Variants in EYA4 observed in about 807,000 individuals in gnomAD.
EYA4 encodes the protein EYA transcriptional coactivator and phosphatase 4.
Under a neutral mutation model 87.9 loss-of-function variants are expected in EYA4, and 31 were observed. The ratio of observed to expected loss-of-function variants is 0.35; its 90% CI spans 0.27 to 0.48. The LOEUF is 0.48. EYA4 is among the 20% of genes least tolerant of loss of function. The pLI is 0.99. For missense variants in EYA4, 678 were observed against 761.4 expected, an observed-to-expected ratio of 0.89 and a Z score of 1.29; for synonymous variants, 263 against 270.6, an observed-to-expected ratio of 0.97 and a Z score of 0.28.
At chr6:133,389,774 G>T (rs1787095535) in intron 3 of EYA4, among the ~76,000 whole-genome samples, 1 of 152,064 alleles carries the variant, frequency 6.6e-6, no homozygotes, top group Non-Finnish European at 1.5e-5. Flanking sequence ...TAATCCTGCT[G>T]GTCATCAAGT....
At chr6:133,462,790 T>C in intron 9 of EYA4, 26 bp downstream of exon 9, 1 of 1,608,758 alleles carries the variant, frequency 6.2e-7, no homozygotes, top group South Asian at 1.1e-5. Context: ...TGAAACATGT[T>C]TTGGGAGAAC....
At chr6:133,302,647 A>G (rs971473884) in intron 2 of EYA4, among the ~76,000 whole-genome samples, 2 of 152,208 alleles carry the variant, frequency 1.3e-5, no homozygotes, top group African/African-American at 4.8e-5. Context: ...TGCTTACACA[A>G]CAACTTACTA....
At chr6:133,429,626 G>A (rs1441336966) in intron 3 of EYA4, among the ~76,000 whole-genome samples, 2 of 152,164 alleles carry the variant, frequency 1.3e-5, no homozygotes, top group African/African-American at 4.8e-5. Flanking sequence ...GGGAAATAAT[G>A]AGAATCAGGG....
intron 14 of EYA4, among the ~76,000 whole-genome samples, chr6:133,507,599 C>T (rs1798759487): frequency 1.3e-5 from 2 of 152,106 alleles, no homozygotes; most frequent in South Asian, 4.2e-4. Flanking sequence ...TTATTCAACT[C>T]CCACTTATGA....
intron 2 of EYA4, among the ~76,000 whole-genome samples, chr6:133,367,588 C>T (rs1157326718): frequency 6.6e-6 from 1 of 152,136 alleles, no homozygotes; most frequent in Non-Finnish European, 1.5e-5. Context: ...AATAGCTTCA[C>T]TTTTATCAGA....
intron 2 of EYA4, among the ~76,000 whole-genome samples, chr6:133,364,491 C>T (rs1784705805): frequency 2.0e-5 from 3 of 152,186 alleles, no homozygotes; most frequent in Admixed American, 6.5e-5. Flanking sequence ...ATCGAGGTGA[C>T]TGGCATCACA....
chr6:133,456,398 C>T lies in EYA4; in HGVS notation c.278-158C>T, dbSNP rs772128165. Reference sequence around the variant, plus strand: ...GATTTTAGATTAAATCCTCTAAATGCATGCCCGTTTAGAAGCTAAATTAAC... The same window carrying T: ...GATTTTAGATTAAATCCTCTAAATGTATGCCCGTTTAGAAGCTAAATTAAC... On this transcript the variant is annotated intron_variant, in intron 5 of 19. Coordinates refer to ENST00000355286, the MANE Select transcript of EYA4 (RefSeq NM_004100.5). 9.3e-5 allele frequency: 62 copies of T among 666,006 alleles called. 1 individual carries two copies. The highest frequency in any genetic ancestry group is 1.6e-5 in the Non-Finnish European group (6 of 368,696). 41.3% of individuals were successfully genotyped at this position (666,006 alleles called of 1,614,324 possible). A position where few individuals can be genotyped will look rare whatever the true frequency, so the allele number is the denominator to read the frequency against.
At chr6:133,369,065 G>T (rs1785069945) in intron 2 of EYA4, among the ~76,000 whole-genome samples, 1 of 152,156 alleles carries the variant, frequency 6.6e-6, no homozygotes. Context: ...ACAAATTAGA[G>T]ACAGGAAATG....
chr6:133,393,823 T>TCTTAAAATTCTAGAAAAAGTTATATCA (rs1562368368), intron 3 of EYA4, among the ~76,000 whole-genome samples: 1 of 152,304 alleles, frequency 6.6e-6, no homozygotes, highest in African/African-American at 2.4e-5. Flanking sequence ...ACACATCTTC[T>TCTTAAAATTCTAGAAAAAGTTATATCA]AAGACTAGGG....
intron 17 of EYA4, among the ~76,000 whole-genome samples, chr6:133,516,413 A>G (rs1264929198): frequency 6.6e-6 from 1 of 152,104 alleles, no homozygotes; most frequent in East Asian, 1.9e-4. Context: ...CAGCATTTCC[A>G]TTAAGAAAAG....
At chr6:133,312,132 G>A (rs1042623456) in intron 2 of EYA4, among the ~76,000 whole-genome samples, 5 of 152,054 alleles carry the variant, frequency 3.3e-5, no homozygotes, top group Non-Finnish European at 7.4e-5. Context: ...TGCAGGGAGG[G>A]GGTTTTCTAG....
At chr6:133,504,396 C>A (rs1431387361) in intron 13 of EYA4, among the ~76,000 whole-genome samples, 1 of 152,166 alleles carries the variant, frequency 6.6e-6, no homozygotes, top group Non-Finnish European at 1.5e-5. Flanking sequence ...TGTGAAGAGT[C>A]AGCATCCATT....
chr6:133,400,551 C>T (rs1334274802), intron 3 of EYA4, among the ~76,000 whole-genome samples: 1 of 151,594 alleles, frequency 6.6e-6, no homozygotes, highest in Non-Finnish European at 1.5e-5. Context: ...ATATTGCAAG[C>T]CGCTTTGCAT....
rs114993593 is a variant in EYA4, at chr6:133,345,900, G to T, written c.34-36492G>T. On this transcript the variant is annotated intron_variant, in intron 2 of 19. Transcript: ENST00000355286. Reference sequence around the variant, plus strand: ...TAAGAGAAGGTAAGGACATCTTTTAGAGAAACTGAGTATTTCTAGTTCAGA... The same window carrying T: ...TAAGAGAAGGTAAGGACATCTTTTATAGAAACTGAGTATTTCTAGTTCAGA... 3.5e-3 allele frequency among the ~76,000 whole-genome samples: 533 copies of T among 152,306 alleles called. 2 individuals carry two copies. Among genetic ancestry groups the T allele is most frequent in the African/African-American group, 0.012 (500 of 41,576 alleles).
chr6:133,460,838 T>C (rs990390766), intron 6 of EYA4, among the ~76,000 whole-genome samples: 11 of 152,166 alleles, frequency 7.2e-5, no homozygotes, highest in African/African-American at 2.7e-4. Context: ...TATTTATTCA[T>C]AGCATATTAA....
intron 1 of EYA4, among the ~76,000 whole-genome samples, chr6:133,249,080 T>C (rs1774670023): frequency 6.6e-6 from 1 of 152,210 alleles, no homozygotes; most frequent in South Asian, 2.1e-4. Context: ...TTTTTCCTTA[T>C]CAGTGTTGCT....
chr6:133,250,759 C>T (rs1052527992), intron 1 of EYA4, among the ~76,000 whole-genome samples: 1 of 152,124 alleles, frequency 6.6e-6, no homozygotes, highest in Non-Finnish European at 1.5e-5. Flanking sequence ...ACAGATTTTG[C>T]TTCAGTTTCT....
intron 2 of EYA4, among the ~76,000 whole-genome samples, 158 bp from the exon 3 acceptor site, chr6:133,382,234 G>GA (rs1274872862): frequency 6.6e-6 from 1 of 152,146 alleles, no homozygotes; most frequent in Non-Finnish European, 1.5e-5. Flanking sequence ...GGATAATAAT[G>GA]AAATACACTA....
At chr6:133,444,529 A>G (rs1030050904) in intron 3 of EYA4, among the ~76,000 whole-genome samples, 1 of 152,156 alleles carries the variant, frequency 6.6e-6, no homozygotes, top group Non-Finnish European at 1.5e-5. Context: ...GCAGGGCTGG[A>G]TTCAGAGACG....
Sources: allele counts gnomAD v4.1 joint callset (sites outside exome capture counted in the v4.1 genomes callset), GRCh38; gene constraint gnomAD v4.1.1; transcripts MANE v1.5; gene names NCBI Gene and HGNC (gene_info 2026-07-23, HGNC 2026-07-21).